The following FBXO11 variants were observed in gnomAD, a reference collection of about 807,000 sequenced individuals.
The protein encoded by FBXO11 is F-box only protein 11.
A neutral mutation model predicts 117.0 loss-of-function variants in FBXO11; 13 were observed. The ratio of observed to expected loss-of-function variants is 0.11; its 90% CI spans 0.07 to 0.18. FBXO11 has a LOEUF of 0.18. Among genes scored for constraint, FBXO11 ranks in the 10% least tolerant of loss-of-function variants. The probability of loss-of-function intolerance (pLI) is 1.00; values close to 1 mark genes in which losing one functional copy is unlikely to be tolerated. For missense variants in FBXO11, 767 were observed against 1,164.4 expected (o/e 0.66, Z 4.97); for synonymous variants, 490 against 380.5 (o/e 1.29, Z -3.35).
chr2:47,861,621 C>T (rs897141939), intron 1 of FBXO11, among the ~76,000 whole-genome samples: 1 of 152,142 alleles, frequency 6.6e-6, no homozygotes, highest in African/African-American at 2.4e-5. Flanking sequence ...AGCACCCAGC[C>T]CATTTATGGT....
intron 12 of FBXO11, 36 bp downstream of exon 12, chr2:47,823,107 A>G: frequency 6.7e-7 from 1 of 1,495,702 alleles, no homozygotes. Flanking sequence ...CCTTGAAGTG[A>G]AAAAGTAATT....
intron 1 of FBXO11, among the ~76,000 whole-genome samples, chr2:47,887,059 G>C (rs1364056108): frequency 1.3e-5 from 2 of 152,064 alleles, no homozygotes; most frequent in Non-Finnish European, 2.9e-5. Flanking sequence ...ACTGAGGTGG[G>C]CAGATCATCC....
chr2:47,837,904 C>T (rs144266458), intron 4 of FBXO11, among the ~76,000 whole-genome samples: 2,925 of 151,914 alleles, frequency 0.019, 37 homozygotes, highest in Non-Finnish European at 0.03. Context: ...CCTCTTTTCA[C>T]TTTTTATAAC....
At position 47,815,399 on chromosome 2, in the gene FBXO11, A is replaced by G. The variant is rs1357795892; in HGVS notation, c.2007-1532T>C. Among the ~76,000 whole-genome samples, 3 of 152,244 alleles carry G rather than the reference A, an allele frequency of 2.0e-5. No homozygotes were observed. In the East Asian group the frequency reaches 5.8e-4, roughly 29 times the overall value. On this transcript the variant is annotated intron_variant, in intron 16 of 22. Coordinates refer to ENST00000403359, the MANE Select transcript of FBXO11 (RefSeq NM_001190274.2). ...GCTGGGTTTGAGAGAAAGGAATTCTAGTTTCTAAGACCTGCTTTGAGGAAA... is the reference window on the plus strand; with the variant it reads ...GCTGGGTTTGAGAGAAAGGAATTCTGGTTTCTAAGACCTGCTTTGAGGAAA...
At chr2:47,884,796 C>A (rs1263358042) in intron 1 of FBXO11, among the ~76,000 whole-genome samples, 1 of 152,046 alleles carries the variant, frequency 6.6e-6, no homozygotes, top group African/African-American at 2.4e-5. Context: ...GCTGTTTAAT[C>A]AGAAAAACAC....
At chr2:47,826,832 C>G (rs375137173) in intron 11 of FBXO11, among the ~76,000 whole-genome samples, 1 of 152,058 alleles carries the variant, frequency 6.6e-6, no homozygotes, top group South Asian at 2.1e-4. Context: ...GTGGCCCAAT[C>G]TTGGCTCACT....
intron 1 of FBXO11, among the ~76,000 whole-genome samples, chr2:47,898,692 A>G (rs140858240): frequency 1.2e-4 from 19 of 152,296 alleles, no homozygotes; most frequent in East Asian, 9.6e-4. Context: ...GTGAAACCAG[A>G]TAAGTCAACA....
intron 1 of FBXO11, among the ~76,000 whole-genome samples, chr2:47,865,504 C>T (rs1183417622): frequency 6.6e-6 from 1 of 152,198 alleles, no homozygotes; most frequent in Non-Finnish European, 1.5e-5. Flanking sequence ...ATAAATAAAA[C>T]AGGGGCCTAG....
At chr2:47,820,537 A>C in intron 13 of FBXO11, 81 bp from the exon 14 acceptor site, 1 of 1,020,158 alleles carries the variant, frequency 9.8e-7, no homozygotes. Flanking sequence ...GTAGTGGTTA[A>C]AATTCTTACA....
rs759138566 is a variant in FBXO11 at position 47,807,414 on chromosome 2, C to T, written c.*704G>A. 5.3e-5 allele frequency: 11 copies of T among 206,370 alleles called. No individual in the cohort carries two copies. Among genetic ancestry groups the T allele is most frequent in the Non-Finnish European group, 1.1e-4 (11 of 101,052 alleles). The allele number at this position is 206,370 out of a possible 1,614,324, so 12.8% of individuals were successfully genotyped here. A position where few individuals can be genotyped will look rare whatever the true frequency, so the allele number is the denominator to read the frequency against. ...TCTAGGGGTGATTTTGAATGCTGCA[C>T]AGGGAAGGGAAGGAAATAATAGTCT... is the stretch of plus-strand genomic sequence containing the variant. On this transcript the variant is annotated 3_prime_UTR_variant, in exon 23 of 23. Coordinates refer to ENST00000403359, the MANE Select transcript of FBXO11 (RefSeq NM_001190274.2).
At chr2:47,899,736 T>C (rs945362585) in intron 1 of FBXO11, among the ~76,000 whole-genome samples, 5 of 152,186 alleles carry the variant, frequency 3.3e-5, no homozygotes, top group South Asian at 2.1e-4. Flanking sequence ...ATACTATAAT[T>C]CTGTGGAAGA....
chr2:47,896,682 T>G (rs1027595820), intron 1 of FBXO11, among the ~76,000 whole-genome samples: 1 of 152,178 alleles, frequency 6.6e-6, no homozygotes, highest in Non-Finnish European at 1.5e-5. Context: ...ATACCAAAAT[T>G]TGACAAGTTA....
At chr2:47,851,072 A>T (rs115047304) in intron 1 of FBXO11, among the ~76,000 whole-genome samples, 8,892 of 152,306 alleles carry the variant, frequency 0.058, 277 homozygotes, top group Non-Finnish European at 0.069. Context: ...ATTCAAAAGT[A>T]GTGTTTATGT....
intron 7 of FBXO11, among the ~76,000 whole-genome samples, chr2:47,834,285 G>T (rs544201491): frequency 6.6e-6 from 1 of 152,108 alleles, no homozygotes. Context: ...AGGAGGCAGA[G>T]GTTACAGTGA....
At chr2:47,847,035 G>A (rs1307975954) in intron 1 of FBXO11, among the ~76,000 whole-genome samples, 1 of 152,142 alleles carries the variant, frequency 6.6e-6, no homozygotes, top group East Asian at 1.9e-4. Context: ...TCTGAGGCCA[G>A]GAGTTCAAGA....
chr2:47,855,681 A>C (rs945032042), intron 1 of FBXO11, among the ~76,000 whole-genome samples: 3 of 152,156 alleles, frequency 2.0e-5, no homozygotes, highest in Non-Finnish European at 4.4e-5. Context: ...AAAAATACAA[A>C]ATCAGCCAGG....
rs903166129 is a variant in FBXO11, at chr2:47,807,902, C to A, written c.*216G>T. ...TCACTTCTGTCCCTTCAAGTCTTTA[C>A]ACAGTAATGCTAAAACACCCAGCTT... On this transcript the variant is annotated 3_prime_UTR_variant, in exon 23 of 23. Transcript: ENST00000403359. The A allele has an allele frequency of 3.5e-5, 17 of 480,188 alleles. No individual in the cohort carries two copies. Among genetic ancestry groups the A allele is most frequent in the East Asian group, 3.4e-4 (10 of 29,524 alleles). 29.7% of individuals were successfully genotyped at this position (480,188 alleles called of 1,614,324 possible). A position where few individuals can be genotyped will look rare whatever the true frequency, so the allele number is the denominator to read the frequency against.
intron 21 of FBXO11, chr2:47,808,892 TC>T: frequency 3.1e-6 from 1 of 325,446 alleles, no homozygotes; most frequent in Non-Finnish European, 5.6e-6. Flanking sequence ...AGACAGGGTC[TC>T]CCTATGTTGC....
chr2:47,819,892 A>G (rs1383293760), intron 14 of FBXO11, among the ~76,000 whole-genome samples: 2 of 152,210 alleles, frequency 1.3e-5, no homozygotes, highest in Admixed American at 1.3e-4. Flanking sequence ...ATCAGTTGCA[A>G]AATTTTAGAT....
Sources: allele counts gnomAD v4.1 joint callset (sites outside exome capture counted in the v4.1 genomes callset), GRCh38; gene constraint gnomAD v4.1.1; transcripts MANE v1.5; gene names NCBI Gene and HGNC (gene_info 2026-07-23, HGNC 2026-07-21).